Variants in PCNP observed in about 807,000 individuals in gnomAD.
PCNP encodes the protein PEST proteolytic signal containing nuclear protein.
PCNP carries 6 observed loss-of-function variants against 21.8 expected under a neutral mutation model. That is an observed-to-expected ratio of 0.28 (90% CI 0.15 to 0.54). The LOEUF is 0.54. PCNP is among the 20% of genes least tolerant of loss of function. The probability of loss-of-function intolerance (pLI) is 0.95; values close to 1 mark genes in which losing one functional copy is unlikely to be tolerated. For missense variants in PCNP, 161 were observed against 215.5 expected (o/e 0.75, Z 1.58); for synonymous variants, 67 against 73.2 (o/e 0.92, Z 0.43).
At chr3:101,586,170 C>CAAAAA (rs10529220) in intron 3 of PCNP, among the ~76,000 whole-genome samples, 2 of 97,572 alleles carry the variant, frequency 2.0e-5, no homozygotes, top group East Asian at 3.1e-4. Context: ...GTCTCTGTCT[C>CAAAAA]AAAAAAAAAA....
chr3:101,589,410 C>CT (rs35442732), intron 3 of PCNP, among the ~76,000 whole-genome samples: 129,071 of 146,062 alleles, frequency 0.88, 57,283 homozygotes, highest in East Asian at 1. Context: ...AATGAGCTCT[C>CT]TTTTTTTTTT....
rs750417516 is a variant in PCNP at position 101,579,886 on chromosome 3, C to T, written c.161C>T (p.Ala54Val). The change falls in exon 2 of 5, where the codon GCT becomes GTT. Residue 54 changes from alanine (A) to valine (V), a missense_variant. This residue lies in a region of PCNP where 46 missense variants were observed against 39.3 expected (regional missense o/e 1.17). Coordinates refer to ENST00000265260, the MANE Select transcript of PCNP (RefSeq NM_020357.3). ...AGTCGCAGCGCTGAGAAGCGATCAG[C>T]TGAAGAAGAAGCTGCCGACCTCCCA... The part of the protein sequence containing the change: ...SSSRSAEKRS[A>V]EEEAADLPTK... 4 of 1,613,824 alleles carry T rather than the reference C, an allele frequency of 2.5e-6. No homozygotes were observed. The highest frequency in any genetic ancestry group is 1.7e-5 in the Admixed American group (1 of 60,002).
chr3:101,576,815 A>G (rs1273841159), intron 1 of PCNP: 2 of 1,609,642 alleles, frequency 1.2e-6, no homozygotes, highest in East Asian at 2.2e-5. Flanking sequence ...GCTTTCCTCA[A>G]CACCACATGA....
chr3:101,578,113 A>G (rs905186650), intron 1 of PCNP, among the ~76,000 whole-genome samples: 11 of 152,176 alleles, frequency 7.2e-5, no homozygotes, highest in Non-Finnish European at 1.3e-4. Flanking sequence ...TCTTTAGTGT[A>G]TAGATTGTTT....
At chr3:101,577,766 C>T (rs1358557684) in intron 1 of PCNP, among the ~76,000 whole-genome samples, 2 of 152,152 alleles carry the variant, frequency 1.3e-5, no homozygotes, top group African/African-American at 4.8e-5. Flanking sequence ...TCAGGTGATC[C>T]ACCCGCCTTG....
At chr3:101,578,951 A>G (rs749607000) in intron 1 of PCNP, among the ~76,000 whole-genome samples, 1 of 152,190 alleles carries the variant, frequency 6.6e-6, no homozygotes, top group Non-Finnish European at 1.5e-5. Context: ...TCTTAGTCTC[A>G]TATAACAGAC....
rs1934728544 is a variant in PCNP at position 101,574,220 on chromosome 3, C to CGGACGGGAAGGCGGG, written c.6_20dup (p.Gly4_Asp8dup). The CGGACGGGAAGGCGGG allele has an allele frequency of 1.3e-6, 2 of 1,548,674 alleles. No homozygotes were observed. Among genetic ancestry groups the CGGACGGGAAGGCGGG allele is most frequent in the Non-Finnish European group, 1.7e-6 (2 of 1,145,478 alleles). ...GGGGAGGCCGCGGCGGGGAAAATGG[C>CGGACGGGAAGGCGGG]GGACGGGAAGGCGGGAGACGAGAAG... On this transcript the variant is annotated inframe_insertion, in exon 1 of 5. Coordinates refer to ENST00000265260, the MANE Select transcript of PCNP (RefSeq NM_020357.3).
At chr3:101,586,520 C>T (rs1350560460) in intron 3 of PCNP, among the ~76,000 whole-genome samples, 1 of 84,096 alleles carries the variant, frequency 1.2e-5, no homozygotes, top group African/African-American at 3.4e-5. Flanking sequence ...GTAGTTGTTC[C>T]CAAAAGCATA....
intron 4 of PCNP, among the ~76,000 whole-genome samples, chr3:101,591,370 T>C (rs1412489265): frequency 6.8e-6 from 1 of 147,968 alleles, no homozygotes; most frequent in Non-Finnish European, 1.5e-5. Context: ...GTGGTAAATC[T>C]TTTTCCTTTT....
chr3:101,588,460 CTG>C (rs145529672), intron 3 of PCNP, among the ~76,000 whole-genome samples: 14,048 of 152,084 alleles, frequency 0.092, 799 homozygotes, highest in African/African-American at 0.15. Flanking sequence ...AAAGGATAAA[CTG>C]TCTCATAGAT....
At chr3:101,582,047 T>C (rs1322186897) in intron 2 of PCNP, among the ~76,000 whole-genome samples, 3 of 150,466 alleles carry the variant, frequency 2.0e-5, no homozygotes, top group Non-Finnish European at 4.4e-5. Context: ...GCCTACTCTT[T>C]CTAAATAATT....
chr3:101,581,730 G>A (rs114799127), intron 2 of PCNP, among the ~76,000 whole-genome samples: 2,424 of 151,162 alleles, frequency 0.016, 60 homozygotes, highest in African/African-American at 0.055. Context: ...CACCGAGCTC[G>A]GCCCCTCTTT....
chr3:101,582,034 C>T (rs1297135323), intron 2 of PCNP, among the ~76,000 whole-genome samples: 2 of 151,888 alleles, frequency 1.3e-5, no homozygotes, highest in Non-Finnish European at 2.9e-5. Flanking sequence ...GCCACCACGC[C>T]CGGCCTACTC....
intron 3 of PCNP, among the ~76,000 whole-genome samples, chr3:101,587,106 C>T (rs532687209): frequency 2.6e-5 from 4 of 151,894 alleles, no homozygotes; most frequent in South Asian, 2.1e-4. Flanking sequence ...CAATATTAGC[C>T]GGGCGTAGTG....
intron 3 of PCNP, among the ~76,000 whole-genome samples, chr3:101,588,318 G>A (rs899687611): frequency 1.3e-5 from 2 of 152,254 alleles, no homozygotes; most frequent in Non-Finnish European, 2.9e-5. Flanking sequence ...GCACATGCCA[G>A]TGCACACACA....
At position 101,594,177 on chromosome 3, in the gene PCNP, A is replaced by G. The variant is rs1182921902; in HGVS notation, c.*1424A>G. ...GTTCACTAGCATTTAAGTTTAGAAT[A>G]AGCCCAAGTAAGACAATGGAAATGT... is the stretch of plus-strand genomic sequence containing the variant. On this transcript the variant is annotated 3_prime_UTR_variant, in exon 5 of 5. Transcript: ENST00000265260. The G allele has an allele frequency of 1.3e-5, 2 of 152,580 alleles. No individual in the cohort carries two copies. The highest frequency in any genetic ancestry group is 2.9e-5 in the Non-Finnish European group (2 of 68,022). 9.5% of individuals were successfully genotyped at this position (152,580 alleles called of 1,614,324 possible).
intron 3 of PCNP, among the ~76,000 whole-genome samples, chr3:101,586,571 T>TGTGTGTGTGTGA: frequency 1.2e-3 from 133 of 114,196 alleles, no homozygotes; most frequent in South Asian, 4.3e-3. Flanking sequence ...TGTGTGTGTG[T>TGTGTGTGTGTGA]GAGAGAGAGA....
intron 1 of PCNP, among the ~76,000 whole-genome samples, chr3:101,575,268 G>A (rs1286175775): frequency 6.6e-6 from 1 of 152,104 alleles, no homozygotes. Flanking sequence ...TATTTAATAT[G>A]AGAAAATAGA....
At chr3:101,580,624 T>G (rs1177416823) in intron 2 of PCNP, among the ~76,000 whole-genome samples, 1 of 152,156 alleles carries the variant, frequency 6.6e-6, no homozygotes, top group African/African-American at 2.4e-5. Flanking sequence ...GAACGACAAA[T>G]GGGAATTGAA....
Sources: gnomAD v4.1 joint callset for allele counts (sites outside exome capture counted in the v4.1 genomes callset) on GRCh38, gnomAD v4.1.1 for gene constraint, gnomAD v4.1.1 regional missense constraint, MANE v1.5 for transcripts, NCBI Gene and HGNC (gene_info 2026-07-23, HGNC 2026-07-21) for gene names.